The following CDH8 variants were observed in gnomAD, a reference collection of about 807,000 sequenced individuals.
CDH8 encodes the protein cadherin 8, also known as cadherin-8.
A neutral mutation model predicts 68.1 loss-of-function variants in CDH8; 17 were observed. That is an observed-to-expected ratio of 0.25 (90% CI 0.17 to 0.37). CDH8 has a LOEUF of 0.37. Ranked by LOEUF, CDH8 falls within the 10% of genes least tolerant of loss-of-function variation. The probability of loss-of-function intolerance (pLI) is 1.00; values close to 1 mark genes in which losing one functional copy is unlikely to be tolerated. For missense variants in CDH8, 763 were observed against 999.3 expected (o/e 0.76, Z 3.19); for synonymous variants, 372 against 365.1 (o/e 1.02, Z -0.21).
intron 5 of CDH8, among the ~76,000 whole-genome samples, chr16:61,824,503 C>A (rs182549603): frequency 2.6e-5 from 4 of 151,922 alleles, no homozygotes; most frequent in African/African-American, 9.6e-5. Context: ...CTAGAATGCA[C>A]GCTGTTGAAA....
chr16:61,766,467 T>C (rs1305586398), intron 8 of CDH8, among the ~76,000 whole-genome samples: 1 of 151,960 alleles, frequency 6.6e-6, no homozygotes, highest in Non-Finnish European at 1.5e-5. Context: ...GCAGGTGCCT[T>C]TTTGATATAG....
At chr16:61,901,699 G>A (rs1056930442) in intron 2 of CDH8, among the ~76,000 whole-genome samples, 1 of 152,112 alleles carries the variant, frequency 6.6e-6, no homozygotes, top group Non-Finnish European at 1.5e-5. Context: ...ACTCTGGCCT[G>A]TTTAGTATAA....
At chr16:61,728,594 T>G (rs1959444197) in intron 8 of CDH8, among the ~76,000 whole-genome samples, 1 of 151,178 alleles carries the variant, frequency 6.6e-6, no homozygotes, top group South Asian at 2.1e-4. Flanking sequence ...GAAGGAAGAA[T>G]CTAAATAGAC....
At chr16:61,708,110 G>A (rs1009698209) in intron 10 of CDH8, among the ~76,000 whole-genome samples, 7 of 152,058 alleles carry the variant, frequency 4.6e-5, no homozygotes, top group Non-Finnish European at 7.4e-5. Flanking sequence ...AACTAAGCAT[G>A]TACCAATTTA....
intron 2 of CDH8, among the ~76,000 whole-genome samples, chr16:62,000,843 A>T (rs974680545): frequency 6.6e-6 from 1 of 152,194 alleles, no homozygotes; most frequent in Non-Finnish European, 1.5e-5. Flanking sequence ...TACTAGTATT[A>T]GACACTGTAG....
At chr16:61,749,318 T>C (rs1323437083) in intron 8 of CDH8, among the ~76,000 whole-genome samples, 1 of 152,060 alleles carries the variant, frequency 6.6e-6, no homozygotes, top group East Asian at 1.9e-4. Flanking sequence ...CCATGAATCT[T>C]GCAAGGGTTT....
intron 2 of CDH8, among the ~76,000 whole-genome samples, chr16:61,994,160 A>T (rs1228448811): frequency 6.6e-6 from 1 of 152,180 alleles, no homozygotes; most frequent in Non-Finnish European, 1.5e-5. Flanking sequence ...TGCCATTTTT[A>T]AATTGCATTC....
chr16:61,894,449 G>A (rs929618371), intron 3 of CDH8, among the ~76,000 whole-genome samples: 8 of 152,102 alleles, frequency 5.3e-5, no homozygotes, highest in Non-Finnish European at 5.9e-5. Flanking sequence ...TCAATGGTGT[G>A]TCAAGATTAA....
intron 2 of CDH8, among the ~76,000 whole-genome samples, chr16:61,980,374 C>T (rs570542044): frequency 5.3e-4 from 81 of 152,252 alleles, no homozygotes; most frequent in African/African-American, 1.9e-3. Flanking sequence ...GCTTACCAAG[C>T]GTGTAACTTT....
chr16:61,945,415 G>A (rs919127356), intron 2 of CDH8, among the ~76,000 whole-genome samples: 32 of 130,810 alleles, frequency 2.4e-4, no homozygotes, highest in African/African-American at 6.0e-5. Flanking sequence ...GGCCAATTTC[G>A]TTTTGTGCCT....
intron 3 of CDH8, among the ~76,000 whole-genome samples, chr16:61,857,670 A>G (rs909958497): frequency 2.6e-5 from 4 of 152,212 alleles, no homozygotes; most frequent in African/African-American, 7.2e-5. Context: ...AGAAATATCA[A>G]AAGAATATTT....
At chr16:61,727,356 C>A in intron 8 of CDH8, 141 bp from the exon 9 acceptor site, 2 of 778,494 alleles carry the variant, frequency 2.6e-6, no homozygotes, top group East Asian at 2.7e-5. Context: ...AGAGTCTGAC[C>A]AAATAAGAAA....
chr16:61,948,117 T>C (rs1324289203), intron 2 of CDH8, among the ~76,000 whole-genome samples: 3 of 152,076 alleles, frequency 2.0e-5, no homozygotes, highest in African/African-American at 7.2e-5. Flanking sequence ...ACCCTAAATT[T>C]GGGGAAAAAC....
chr16:61,736,057 G>C (rs1959669450), intron 8 of CDH8, among the ~76,000 whole-genome samples: 1 of 147,464 alleles, frequency 6.8e-6, no homozygotes, highest in Non-Finnish European at 1.5e-5. Context: ...TGATGACAGA[G>C]CAAGACTCCA....
At chr16:61,919,308 G>A (rs1265039092) in intron 2 of CDH8, among the ~76,000 whole-genome samples, 2 of 148,538 alleles carry the variant, frequency 1.3e-5, no homozygotes, top group Non-Finnish European at 3.0e-5. Flanking sequence ...GAACAAAGCT[G>A]GACGGAGAAT....
At chr16:62,005,812 A>G (rs1965965286) in intron 2 of CDH8, among the ~76,000 whole-genome samples, 2 of 151,410 alleles carry the variant, frequency 1.3e-5, no homozygotes, top group African/African-American at 2.4e-5. Context: ...CATATTTGCC[A>G]GTGTAAGTAG....
Position 61,901,198 on chromosome 16 carries a change from C to A in CDH8, c.528G>T (p.Val176=), listed in dbSNP as rs761233332. 1.2e-6 allele frequency: 2 copies of A among 1,613,468 alleles called. No individual in the cohort carries two copies. Among genetic ancestry groups the A allele is most frequent in the Non-Finnish European group, 1.7e-6 (2 of 1,179,704 alleles). ...EFLNGPYHAT[V]PEMSILGTSV... is the part of the protein sequence containing the mutation. ...ACATACCCAAAATGGACATTTCTGG[C>A]ACAGTAGCATGATAGGGTCCATTAA... Residue 176 remains valine (V), a synonymous_variant, in exon 3 of 12, where the codon GTG becomes GTT. Coordinates refer to ENST00000577390, the MANE Select transcript of CDH8 (RefSeq NM_001796.5).
chr16:61,683,074 G>A (rs1964042611), intron 10 of CDH8, among the ~76,000 whole-genome samples: 1 of 151,898 alleles, frequency 6.6e-6, no homozygotes, highest in African/African-American at 2.4e-5. Flanking sequence ...TTTGAAATAA[G>A]GGTATGTGAA....
chr16:61,697,407 G>C (rs1228672210), intron 10 of CDH8, among the ~76,000 whole-genome samples: 2 of 151,996 alleles, frequency 1.3e-5, no homozygotes, highest in Non-Finnish European at 2.9e-5. Flanking sequence ...CCCTTACCCA[G>C]GAATTGATTT....
Sources: allele counts gnomAD v4.1 joint callset (sites outside exome capture counted in the v4.1 genomes callset), GRCh38; gene constraint gnomAD v4.1.1; transcripts MANE v1.5; gene names NCBI Gene and HGNC (gene_info 2026-07-23, HGNC 2026-07-21).